The following TMEM51 variants were observed in gnomAD, a reference collection of about 807,000 sequenced individuals.
The protein encoded by TMEM51 is transmembrane protein 51, also known as chromosome 1 open reading frame 72.
In TMEM51, 8 loss-of-function variants were observed where a neutral mutation model predicts 13.6. The observed-to-expected ratio is 0.59, with a 90% CI of 0.35 to 1.07. The LOEUF is 1.07. Ranked by LOEUF, TMEM51 falls within the 50% of genes least tolerant of loss-of-function variation. The probability of loss-of-function intolerance (pLI) is 0.02; values close to 1 mark genes in which losing one functional copy is unlikely to be tolerated. For synonymous variants in TMEM51, 147 were observed against 144.4 expected, an observed-to-expected ratio of 1.02 and a Z score of -0.13; for missense variants, 279 against 330.7, an observed-to-expected ratio of 0.84 and a Z score of 1.21.
rs1643266828 is a variant in TMEM51, at chr1:15,171,363, A to G, written c.-267+17409A>G. The stretch of plus-strand genomic sequence containing the variant: ...TAGGAATTAGTTCTTATGCATTCAT[A>G]GGGGGGGCGGCAGAAAGGAAGGTGG... On this transcript the variant is annotated intron_variant, in intron 1 of 3. Transcript: ENST00000376008. The G allele has an allele frequency of 1.3e-5, 17 of 1,259,656 alleles. No homozygotes were observed. The South Asian group carries it at 2.1e-4, about 16-fold the overall frequency. 78.0% of individuals were successfully genotyped at this position (1,259,656 alleles called of 1,614,324 possible).
chr1:15,218,553 TAGTG>T (rs1200469632), intron 3 of TMEM51, among the ~76,000 whole-genome samples: 1 of 152,166 alleles, frequency 6.6e-6, no homozygotes, highest in Non-Finnish European at 1.5e-5. Context: ...ATTATAATAA[TAGTG>T]AGATAGAAAA....
chr1:15,193,080 C>T (rs1234047121), intron 1 of TMEM51, among the ~76,000 whole-genome samples: 2 of 152,152 alleles, frequency 1.3e-5, no homozygotes, highest in Non-Finnish European at 2.9e-5. Context: ...GCTGAGAGCA[C>T]GGAGGCGCCC....
At chr1:15,167,451 T>C (rs966931973) in intron 1 of TMEM51, among the ~76,000 whole-genome samples, 1 of 152,116 alleles carries the variant, frequency 6.6e-6, no homozygotes, top group African/African-American at 2.4e-5. Context: ...AAAAGGATAT[T>C]TGGATTGTGT....
At chr1:15,178,401 G>A (rs988469613) in intron 1 of TMEM51, among the ~76,000 whole-genome samples, 4 of 152,170 alleles carry the variant, frequency 2.6e-5, no homozygotes, top group Non-Finnish European at 5.9e-5. Context: ...GCTTTAGTGA[G>A]CATCAGGATC....
At chr1:15,159,949 C>A (rs1284397168) in intron 1 of TMEM51, among the ~76,000 whole-genome samples, 1 of 152,214 alleles carries the variant, frequency 6.6e-6, no homozygotes, top group African/African-American at 2.4e-5. Context: ...CCTGGCAGAA[C>A]CTGGCAGAAT....
Position 15,215,189 on chromosome 1 carries a change from A to C in TMEM51, c.102A>C (p.Val34=). The part of the protein sequence containing the change: ...LGVIMAMWNL[V]PGFSAAEKPT... ...TGATCATGGCCATGTGGAACCTGGT[A>C]CCCGGCTTCAGCGCGGCCGAGAAGC... The change falls in exon 3 of 4, where the codon GTA becomes GTC. Residue 34 remains valine (V), a synonymous_variant. Transcript: ENST00000376008. 6.2e-7 allele frequency: 1 copy of C among 1,614,096 alleles called. No homozygotes were observed. The highest frequency in any genetic ancestry group is 8.5e-7 in the Non-Finnish European group (1 of 1,180,016).
At chr1:15,179,613 T>G (rs560419757) in intron 1 of TMEM51, among the ~76,000 whole-genome samples, 113 of 152,058 alleles carry the variant, frequency 7.4e-4, no homozygotes, top group Non-Finnish European at 1.2e-3. Context: ...CAAAACCCTG[T>G]CTCTACAAAA....
chr1:15,168,796 G>T, intron 1 of TMEM51: 1 of 1,291,374 alleles, frequency 7.7e-7, no homozygotes, highest in Non-Finnish European at 1.0e-6. Flanking sequence ...TATTCAAGAA[G>T]AGTTTAGGGG....
At chr1:15,211,840 G>A (rs1304518507) in intron 2 of TMEM51, among the ~76,000 whole-genome samples, 2 of 93,756 alleles carry the variant, frequency 2.1e-5, no homozygotes, top group African/African-American at 4.4e-5. Flanking sequence ...CCCCCCCCGG[G>A]ATTTTTACAT....
chr1:15,192,426 CT>C (rs998108857), intron 1 of TMEM51: 4 of 256,026 alleles, frequency 1.6e-5, no homozygotes, highest in South Asian at 3.3e-5. Flanking sequence ...GGCAGTGCTA[CT>C]TTTTTTCTTT....
intron 1 of TMEM51, among the ~76,000 whole-genome samples, chr1:15,206,472 T>C (rs1644252430): frequency 6.6e-6 from 1 of 152,158 alleles, no homozygotes; most frequent in Non-Finnish European, 1.5e-5. Flanking sequence ...GACTCAGCTT[T>C]GTGGGAACCC....
intron 1 of TMEM51, among the ~76,000 whole-genome samples, chr1:15,206,810 C>A (rs1039843078): frequency 6.6e-6 from 1 of 152,126 alleles, no homozygotes; most frequent in African/African-American, 2.4e-5. Flanking sequence ...AGCTGGGCAG[C>A]CCTCCTCCCA....
intron 1 of TMEM51, among the ~76,000 whole-genome samples, chr1:15,190,488 C>G (rs1240269920): frequency 2.0e-5 from 3 of 152,166 alleles, no homozygotes; most frequent in African/African-American, 4.8e-5. Flanking sequence ...GATACCAGGG[C>G]AGGAAATCTT....
chr1:15,169,835 G>A (rs575869096), intron 1 of TMEM51, among the ~76,000 whole-genome samples: 2 of 152,054 alleles, frequency 1.3e-5, no homozygotes, highest in Non-Finnish European at 2.9e-5. Context: ...TCCCTAATAC[G>A]CAAAGAATAA....
intron 1 of TMEM51, among the ~76,000 whole-genome samples, chr1:15,156,801 G>A (rs1642607036): frequency 6.6e-6 from 1 of 152,158 alleles, no homozygotes; most frequent in South Asian, 2.1e-4. Flanking sequence ...GCAGAACTGG[G>A]ACTGGAACCC....
chr1:15,152,980 G>A (rs1429424502), upstream of TMEM51, among the ~76,000 whole-genome samples: 1 of 152,232 alleles, frequency 6.6e-6, no homozygotes, highest in African/African-American at 2.4e-5. Context: ...CAGGCTCCCG[G>A]TGCAGCGCGC....
chr1:15,175,658 T>C (rs551595146), intron 1 of TMEM51, among the ~76,000 whole-genome samples: 4 of 152,234 alleles, frequency 2.6e-5, no homozygotes, highest in African/African-American at 9.6e-5. Flanking sequence ...TGGCAGAAGG[T>C]GAATGAGGAG....
chr1:15,157,311 C>T (rs1642621966), intron 1 of TMEM51, among the ~76,000 whole-genome samples: 1 of 152,134 alleles, frequency 6.6e-6, no homozygotes, highest in Non-Finnish European at 1.5e-5. Flanking sequence ...TCTCTCTTGC[C>T]CTGGATTTAT....
intron 1 of TMEM51, among the ~76,000 whole-genome samples, chr1:15,208,830 G>A (rs1644293042): frequency 6.6e-6 from 1 of 151,990 alleles, no homozygotes; most frequent in Admixed American, 6.6e-5. Context: ...CCAGGCTGGT[G>A]GGGCTTGAGG....
Sources: allele counts gnomAD v4.1 joint callset (sites outside exome capture counted in the v4.1 genomes callset), GRCh38; gene constraint gnomAD v4.1.1; transcripts MANE v1.5; gene names NCBI Gene and HGNC (gene_info 2026-07-23, HGNC 2026-07-21).